ZNF385D: variants seen among roughly 807,000 people sequenced by gnomAD.
The protein encoded by ZNF385D is zinc finger protein 659.
A neutral mutation model predicts 35.8 loss-of-function variants in ZNF385D; 15 were observed. That is an observed-to-expected ratio of 0.42 (90% CI 0.28 to 0.64). The LOEUF (loss-of-function observed/expected upper bound fraction) is 0.64, where lower values mean the gene tolerates loss of function less well. Among genes scored for constraint, ZNF385D ranks in the 30% least tolerant of loss-of-function variants. The pLI is 0.23. For synonymous variants in ZNF385D, 212 were observed against 186.8 expected (o/e 1.13, Z -1.10); for missense variants, 474 against 494.6 (o/e 0.96, Z 0.39).
chr3:21,766,395 T>C (rs549548066), intron 3 of ZNF385D, among the ~76,000 whole-genome samples: 9 of 152,254 alleles, frequency 5.9e-5, no homozygotes, highest in African/African-American at 1.2e-4. Flanking sequence ...CATGGGCTTA[T>C]TGATGTGATA....
At chr3:22,229,549 A>G (rs1698759032) in intron 2 of ZNF385D, among the ~76,000 whole-genome samples, 1 of 152,128 alleles carries the variant, frequency 6.6e-6, no homozygotes, top group South Asian at 2.1e-4. Context: ...CCCTCCCTCT[A>G]GAGGAGTGTT....
chr3:22,276,071 T>G (rs1312680557), intron 2 of ZNF385D, among the ~76,000 whole-genome samples: 1 of 152,036 alleles, frequency 6.6e-6, no homozygotes, highest in Non-Finnish European at 1.5e-5. Flanking sequence ...GGTGACAGAG[T>G]GAGACTTTGT....
At chr3:22,090,783 C>G (rs183011800) in intron 3 of ZNF385D, among the ~76,000 whole-genome samples, 87 of 152,250 alleles carry the variant, frequency 5.7e-4, no homozygotes, top group Admixed American at 1.4e-3. Flanking sequence ...ACGAACCACT[C>G]TGAGGCCTCT....
chr3:21,775,449 G>C (rs2071247795), intron 3 of ZNF385D, among the ~76,000 whole-genome samples: 1 of 151,648 alleles, frequency 6.6e-6, no homozygotes, highest in Non-Finnish European at 1.5e-5. Flanking sequence ...GATAAAGGAG[G>C]GCTTGGAAAG....
intron 3 of ZNF385D, among the ~76,000 whole-genome samples, chr3:21,934,708 G>T (rs1701178040): frequency 6.6e-6 from 1 of 152,106 alleles, no homozygotes; most frequent in Non-Finnish European, 1.5e-5. Context: ...CAGGTTTGGG[G>T]GACACATTTC....
intron 3 of ZNF385D, among the ~76,000 whole-genome samples, chr3:21,988,920 T>C (rs1342608738): frequency 6.6e-6 from 1 of 152,052 alleles, no homozygotes; most frequent in African/African-American, 2.4e-5. Context: ...CGGGTGGGAG[T>C]GACCCGATTT....
At chr3:21,691,276 A>G (rs2067276559) in intron 1 of ZNF385D, among the ~76,000 whole-genome samples, 3 of 152,128 alleles carry the variant, frequency 2.0e-5, no homozygotes, top group Admixed American at 2.0e-4. Flanking sequence ...GCTCCATTGC[A>G]GATTTATCAT....
In ZNF385D at chr3:22,120,978, A is replaced by G. The variant is rs1015281763; in HGVS notation, c.325+47839T>C. On this transcript the variant is annotated intron_variant, in intron 3 of 5. Coordinates refer to the ZNF385D transcript ENST00000494108. ...TGTATTTTTCTTCTGACTAGACCAT[A>G]TTCAACATCTGAAAGACTACTGAAA... Among the ~76,000 whole-genome samples the G allele has an allele frequency of 2.0e-5, 3 of 152,198 alleles. No homozygotes were observed. In the South Asian group the frequency reaches 6.2e-4, roughly 32 times the overall value.
intron 2 of ZNF385D, among the ~76,000 whole-genome samples, chr3:22,219,091 C>T (rs535738906): frequency 6.6e-6 from 1 of 152,204 alleles, no homozygotes; most frequent in African/African-American, 2.4e-5. Flanking sequence ...CAGTTAAACT[C>T]TATGGTGACG....
At chr3:21,724,855 T>C (rs926331384) in intron 1 of ZNF385D, among the ~76,000 whole-genome samples, 6 of 152,118 alleles carry the variant, frequency 3.9e-5, no homozygotes, top group African/African-American at 9.7e-5. Context: ...TACACAACTC[T>C]CCACCCCAAA....
Position 22,209,996 on chromosome 3 carries a change from T to C in ZNF385D, c.107-40961A>G, listed in dbSNP as rs542115157. 1.8e-3 allele frequency among the ~76,000 whole-genome samples: 276 copies of C among 151,962 alleles called. 2 individuals carry two copies. Among genetic ancestry groups the C allele is most frequent in the African/African-American group, 6.3e-3 (262 of 41,542 alleles). On this transcript the variant is annotated intron_variant, in intron 2 of 5. Transcript: ENST00000494108. ...TTATTCAAAATTATATTCAGTTATA[T>C]TTAATTAATAGTATTATATTCAATA...
At position 21,414,525 on chromosome 3, in the gene ZNF385D, A is replaced by G. The variant is rs1375695720; in HGVS notation, c.*6689T>C. 1 of 152,146 alleles carries G rather than the reference A, an allele frequency of 6.6e-6. No individual in the cohort carries two copies. Among genetic ancestry groups the G allele is most frequent in the Non-Finnish European group, 1.5e-5 (1 of 68,006 alleles). The allele number at this position is 152,146 out of a possible 1,614,324, so 9.4% of individuals were successfully genotyped here. ...AAAACGACTTTATGAAATTTATAGA[A>G]ATATGGCTTAGATTTTGGAGCTATT... is the stretch of plus-strand genomic sequence containing the variant. On this transcript the variant is annotated 3_prime_UTR_variant, in exon 8 of 8. Coordinates refer to ENST00000281523, the MANE Select transcript of ZNF385D (RefSeq NM_024697.3).
chr3:22,236,354 T>C (rs954812660), intron 2 of ZNF385D, among the ~76,000 whole-genome samples: 2 of 152,130 alleles, frequency 1.3e-5, no homozygotes, highest in South Asian at 2.1e-4. Context: ...ATTTATTAGA[T>C]GGAGTCTTGC....
chr3:21,807,500 G>C (rs1209753099), intron 3 of ZNF385D, among the ~76,000 whole-genome samples: 2 of 152,060 alleles, frequency 1.3e-5, no homozygotes, highest in African/African-American at 4.8e-5. Flanking sequence ...ACAAAATTAA[G>C]ACCTGGCTTT....
intron 3 of ZNF385D, among the ~76,000 whole-genome samples, chr3:21,913,417 T>G (rs1700058870): frequency 6.6e-6 from 1 of 152,126 alleles, no homozygotes; most frequent in African/African-American, 2.4e-5. Flanking sequence ...TGGGACTACC[T>G]ACATGAATGT....
At chr3:22,289,947 G>T (rs1050170005) in intron 2 of ZNF385D, among the ~76,000 whole-genome samples, 2 of 152,118 alleles carry the variant, frequency 1.3e-5, no homozygotes, top group Admixed American at 1.3e-4. Context: ...AGCAGCAGTT[G>T]AAAGAGTTTG....
intron 6 of ZNF385D, among the ~76,000 whole-genome samples, chr3:21,424,301 T>TTATTTATATATATA (rs1444235124): frequency 4.7e-4 from 38 of 80,150 alleles, no homozygotes; most frequent in African/African-American, 1.7e-3. Flanking sequence ...ATATATATAT[T>TTATTTATATATATA]TATATATATA....
intron 2 of ZNF385D, among the ~76,000 whole-genome samples, chr3:22,254,470 G>A (rs1425902517): frequency 2.0e-5 from 3 of 151,652 alleles, no homozygotes; most frequent in Non-Finnish European, 4.4e-5. Context: ...TCTTCCATGT[G>A]TTTATATCAG....
At chr3:21,768,067 T>G (rs1226116811) in intron 3 of ZNF385D, among the ~76,000 whole-genome samples, 1 of 152,070 alleles carries the variant, frequency 6.6e-6, no homozygotes, top group Non-Finnish European at 1.5e-5. Context: ...CTGGCCTTGT[T>G]GTATGTAATA....
Sources: allele counts gnomAD v4.1 joint callset (sites outside exome capture counted in the v4.1 genomes callset), GRCh38; gene constraint gnomAD v4.1.1; transcripts MANE v1.5; gene names NCBI Gene and HGNC (gene_info 2026-07-23, HGNC 2026-07-21).